Variants in NRXN3 observed in about 807,000 individuals in gnomAD.
The protein encoded by NRXN3 is neurexin 3.
NRXN3 carries 32 observed loss-of-function variants against 137.6 expected under a neutral mutation model. That is an observed-to-expected ratio of 0.23 (90% CI 0.18 to 0.31). NRXN3 has a LOEUF of 0.31. Ranked by LOEUF, NRXN3 falls within the 10% of genes least tolerant of loss-of-function variation. The pLI is 1.00. For missense variants in NRXN3, 1,574 were observed against 2,062.5 expected, an observed-to-expected ratio of 0.76 and a Z score of 4.59; for synonymous variants, 798 against 784.5, an observed-to-expected ratio of 1.02 and a Z score of -0.29.
chr14:78,967,717 C>T (rs2099423105), intron 13 of NRXN3, among the ~76,000 whole-genome samples: 1 of 152,130 alleles, frequency 6.6e-6, no homozygotes, highest in African/African-American at 2.4e-5. Context: ...TCAGCTGAAT[C>T]ATTTAATGTC....
chr14:79,647,217 G>C (rs187722854), intron 16 of NRXN3, among the ~76,000 whole-genome samples: 1 of 135,680 alleles, frequency 7.4e-6, no homozygotes, highest in East Asian at 2.0e-4. Context: ...TTATTTGACA[G>C]TCTGTTATAA....
chr14:79,853,989 TTA>T, intron 20 of NRXN3: 5 of 987,984 alleles, frequency 5.1e-6, no homozygotes, highest in Non-Finnish European at 6.0e-6. Context: ...TTTTTTCTTT[TTA>T]TGTTATGTGG....
intron 4 of NRXN3, among the ~76,000 whole-genome samples, chr14:78,338,641 G>A (rs2081786249): frequency 6.6e-6 from 1 of 152,172 alleles, no homozygotes. Context: ...GACAGGGGAA[G>A]TATATCAGTT....
In NRXN3 at chr14:78,545,875, T is replaced by C. The variant is rs77712614; in HGVS notation, c.758-99245T>C. 1.4e-4 allele frequency among the ~76,000 whole-genome samples: 21 copies of C among 152,294 alleles called. 1 individual carries two copies. The East Asian group carries it at 3.9e-3, about 28-fold the overall frequency. ...GCTTCTGTTGCTCAACATTACTTTA[T>C]AAAAATTTTTTCATATCAAAAGGCA... On this transcript the variant is annotated intron_variant, in intron 4 of 20. Coordinates refer to ENST00000335750, the MANE Select transcript of NRXN3 (RefSeq NM_001330195.2).
intron 1 of NRXN3, among the ~76,000 whole-genome samples, chr14:78,171,341 A>AGTGTGT (rs150864901): frequency 1.4e-5 from 2 of 143,556 alleles, no homozygotes; most frequent in Non-Finnish European, 3.1e-5. Context: ...TGTGTGTGTG[A>AGTGTGT]GTGTGTGTGT....
chr14:78,291,329 A>C (rs1238868419), intron 3 of NRXN3, among the ~76,000 whole-genome samples: 1 of 152,220 alleles, frequency 6.6e-6, no homozygotes, highest in East Asian at 1.9e-4. Flanking sequence ...ATTTAATGAG[A>C]TAACACATAG....
chr14:79,858,970 C>T (rs977736803), intron 20 of NRXN3, among the ~76,000 whole-genome samples: 1 of 107,326 alleles, frequency 9.3e-6, no homozygotes, highest in Non-Finnish European at 1.8e-5. Context: ...TATATATGTT[C>T]ACAATGTAAA....
At chr14:78,360,366 A>G (rs952767846) in intron 4 of NRXN3, among the ~76,000 whole-genome samples, 10 of 152,202 alleles carry the variant, frequency 6.6e-5, no homozygotes, top group African/African-American at 2.4e-4. Context: ...TGCTTTATAT[A>G]TGTTTATTGA....
chr14:78,615,844 G>A (rs901656880), intron 4 of NRXN3, among the ~76,000 whole-genome samples: 2 of 152,162 alleles, frequency 1.3e-5, no homozygotes, highest in Non-Finnish European at 2.9e-5. Flanking sequence ...CTACTCAGGA[G>A]ACTGAGGTGG....
intron 15 of NRXN3, among the ~76,000 whole-genome samples, chr14:79,442,591 T>A (rs2095983700): frequency 6.6e-6 from 1 of 152,178 alleles, no homozygotes; most frequent in African/African-American, 2.4e-5. Context: ...GGAAAGACAC[T>A]CAGCAAATAT....
intron 15 of NRXN3, among the ~76,000 whole-genome samples, chr14:79,152,461 A>G (rs1410159470): frequency 6.6e-6 from 1 of 152,128 alleles, no homozygotes; most frequent in East Asian, 1.9e-4. Context: ...TGCAGATGCT[A>G]TATTAGTCTG....
intron 16 of NRXN3, among the ~76,000 whole-genome samples, chr14:79,497,227 C>T (rs763936937): frequency 9.9e-5 from 15 of 152,236 alleles, no homozygotes; most frequent in Admixed American, 3.9e-4. Flanking sequence ...GAAGCCAGAA[C>T]GTAAACAGAA....
chr14:79,596,220 A>G (rs191652161), intron 16 of NRXN3, among the ~76,000 whole-genome samples: 3 of 152,248 alleles, frequency 2.0e-5, no homozygotes, highest in African/African-American at 4.8e-5. Flanking sequence ...TAGTTGAGAA[A>G]GGTCATTAAG....
At chr14:78,897,848 G>A (rs1307312356) in intron 10 of NRXN3, among the ~76,000 whole-genome samples, 1 of 151,714 alleles carries the variant, frequency 6.6e-6, no homozygotes, top group Non-Finnish European at 1.5e-5. Context: ...TCATCATCAG[G>A]GCTTCCTTGG....
chr14:78,286,548 G>C (rs1209574520), intron 3 of NRXN3, among the ~76,000 whole-genome samples: 3 of 152,152 alleles, frequency 2.0e-5, no homozygotes, highest in Non-Finnish European at 2.9e-5. Flanking sequence ...CAGGAGGGGT[G>C]AGGAGGTGGA....
rs374344763 is a variant in NRXN3, at chr14:79,015,686, A to G, written c.3262+27545A>G. ...GGTCTGGCTCATCTCAAGAAGAATG[A>G]CACTTGAAATTATGACACAGAAAGA... is the stretch of plus-strand genomic sequence containing the variant. On this transcript the variant is annotated intron_variant, in intron 15 of 20. Coordinates refer to ENST00000335750, the MANE Select transcript of NRXN3 (RefSeq NM_001330195.2). Among the ~76,000 whole-genome samples, 15 of 152,280 alleles carry G rather than the reference A, an allele frequency of 9.9e-5. 1 individual carries two copies. The highest frequency in any genetic ancestry group is 3.1e-4 in the African/African-American group (13 of 41,556).
intron 1 of NRXN3, among the ~76,000 whole-genome samples, chr14:78,187,349 G>A (rs575026578): frequency 2.9e-4 from 44 of 151,914 alleles, no homozygotes; most frequent in African/African-American, 1.1e-3. Context: ...GGTCACTCAT[G>A]CAGACTTGGG....
intron 10 of NRXN3, among the ~76,000 whole-genome samples, chr14:78,875,391 A>T (rs1051526151): frequency 6.6e-6 from 1 of 152,220 alleles, no homozygotes; most frequent in Non-Finnish European, 1.5e-5. Flanking sequence ...AATATAGGAT[A>T]AAGTGGCCTT....
At chr14:78,525,753 A>T (rs2096368668) in intron 4 of NRXN3, among the ~76,000 whole-genome samples, 2 of 152,204 alleles carry the variant, frequency 1.3e-5, no homozygotes, top group Non-Finnish European at 2.9e-5. Context: ...TAACTGGCAA[A>T]AAATGGAAAT....
Sources: allele counts gnomAD v4.1 joint callset (sites outside exome capture counted in the v4.1 genomes callset), GRCh38; gene constraint gnomAD v4.1.1; transcripts MANE v1.5; gene names NCBI Gene and HGNC (gene_info 2026-07-23, HGNC 2026-07-21).